The following ANKRD11 variants were observed in gnomAD, a reference collection of about 807,000 sequenced individuals.
The protein encoded by ANKRD11 is ankyrin repeat domain 11.
Under a neutral mutation model 195.7 loss-of-function variants are expected in ANKRD11, and 17 were observed. The observed-to-expected ratio is 0.09, with a 90% CI of 0.06 to 0.13. ANKRD11 has a LOEUF of 0.13. Among genes scored for constraint, ANKRD11 ranks in the 10% least tolerant of loss-of-function variants. The pLI is 1.00. For missense variants in ANKRD11, 3,735 were observed against 3,566.1 expected, an observed-to-expected ratio of 1.05 and a Z score of -1.21; for synonymous variants, 1,953 against 1,528.1, an observed-to-expected ratio of 1.28 and a Z score of -6.49.
At chr16:89,478,098 C>G (rs956496580) in intron 1 of ANKRD11, among the ~76,000 whole-genome samples, 1 of 152,042 alleles carries the variant, frequency 6.6e-6, no homozygotes, top group East Asian at 1.9e-4. Flanking sequence ...ATGAGAGGAG[C>G]GCTTAATAAA....
At chr16:89,356,603 C>T (rs147024018) in intron 2 of ANKRD11, among the ~76,000 whole-genome samples, 13 of 145,806 alleles carry the variant, frequency 8.9e-5, no homozygotes, top group South Asian at 2.1e-4. Flanking sequence ...AACCCCATCT[C>T]TACTAAAAAT....
At chr16:89,447,195 A>G (rs892058058) in intron 1 of ANKRD11, among the ~76,000 whole-genome samples, 1 of 152,024 alleles carries the variant, frequency 6.6e-6, no homozygotes, top group African/African-American at 2.4e-5. Flanking sequence ...TTTGCAACCC[A>G]TTAGTACCAA....
chr16:89,393,511 A>C (rs1044260768), intron 2 of ANKRD11, among the ~76,000 whole-genome samples: 2 of 88,644 alleles, frequency 2.3e-5, no homozygotes, highest in Non-Finnish European at 4.7e-5. Flanking sequence ...TTTTTTTTGT[A>C]TTTTTAATAA....
chr16:89,346,481 G>A lies in ANKRD11; in HGVS notation c.-59-29403C>T, dbSNP rs558070634. Among the ~76,000 whole-genome samples, 203 of 152,220 alleles carry A rather than the reference G, an allele frequency of 1.3e-3. 1 individual carries two copies. Among genetic ancestry groups the A allele is most frequent in the African/African-American group, 4.7e-3 (194 of 41,510 alleles). The stretch of plus-strand genomic sequence containing the variant: ...CGCAATCCATTTTTCAAGCTCCCAG[G>A]GAACAACAGTCATCCAAACTTGATC... On this transcript the variant is annotated intron_variant, in intron 2 of 12. Coordinates refer to ENST00000301030, the MANE Select transcript of ANKRD11 (RefSeq NM_013275.6).
intron 1 of ANKRD11, among the ~76,000 whole-genome samples, chr16:89,441,699 G>C (rs191009006): frequency 7.4e-6 from 1 of 135,980 alleles, no homozygotes; most frequent in Non-Finnish European, 1.5e-5. Context: ...CCCAGGAGGC[G>C]GACTATGCAG....
chr16:89,463,883 G>C (rs2056789361), intron 1 of ANKRD11, among the ~76,000 whole-genome samples: 1 of 152,160 alleles, frequency 6.6e-6, no homozygotes, highest in Admixed American at 6.6e-5. Context: ...TATGGTGGAA[G>C]TTCTTCCTGT....
rs899013747 is a variant in ANKRD11, at chr16:89,279,411, G to A, written c.7131C>T (p.Asp2377=). The A allele has an allele frequency of 2.2e-5, 34 of 1,536,156 alleles. No homozygotes were observed. The African/African-American group carries it at 4.4e-4, about 20-fold the overall frequency. Residue 2377 remains aspartate, a synonymous_variant, in exon 9 of 13, where the codon GAC becomes GAT. Transcript: ENST00000301030. The surrounding 1 kb of genome is among the most constrained non-coding windows in gnomAD (Gnocchi z 5.6). ...TGCGCGGATGCTGGGCCTGGGCGTC[G>A]TCGTCCTCGGAGCCGCGGGCCTTGG... The part of the protein sequence containing the change: ...TRAKARGSED[D]DAQAQHPRKR...
At chr16:89,382,915 ACTGCAACCTCTGC>A (rs2040724917) in intron 2 of ANKRD11, among the ~76,000 whole-genome samples, 1 of 152,154 alleles carries the variant, frequency 6.6e-6, no homozygotes, top group Non-Finnish European at 1.5e-5. Context: ...ATCTCGGCTC[ACTGCAACCTCTGC>A]CTCCCAGGTT....
Position 89,312,817 on chromosome 16 carries a change from G to A in ANKRD11, c.87+4116C>T, listed in dbSNP as rs147956888. The stretch of plus-strand genomic sequence containing the variant: ...ACCACAGCCTGAGGTGGGACACGCC[G>A]AGGCCCAGCCATGCGCCTCCCAGCT... On this transcript the variant is annotated intron_variant, in intron 3 of 12. Coordinates refer to ENST00000301030, the MANE Select transcript of ANKRD11 (RefSeq NM_013275.6). 5.8e-4 allele frequency among the ~76,000 whole-genome samples: 88 copies of A among 152,314 alleles called. 1 individual carries two copies. The highest frequency in any genetic ancestry group is 2.0e-3 in the African/African-American group (85 of 41,570).
intron 2 of ANKRD11, among the ~76,000 whole-genome samples, chr16:89,389,645 G>A (rs2041082755): frequency 1.3e-5 from 2 of 152,220 alleles, no homozygotes; most frequent in Non-Finnish European, 2.9e-5. Flanking sequence ...GAAGATCTGT[G>A]AACTCAGAGA....
At chr16:89,296,823 G>C (rs2035468929) in intron 4 of ANKRD11, among the ~76,000 whole-genome samples, 2 of 152,302 alleles carry the variant, frequency 1.3e-5, no homozygotes, top group Admixed American at 1.3e-4. Flanking sequence ...GGAGTGTGGG[G>C]CACTTCCAGC....
rs754679761 is a variant in ANKRD11 at position 89,290,629 on chromosome 16, G to A, written c.597C>T (p.Phe199=). 2.6e-5 allele frequency: 42 copies of A among 1,612,578 alleles called. No homozygotes were observed. Among genetic ancestry groups the A allele is most frequent in the African/African-American group, 1.7e-4 (13 of 75,050 alleles). Residue 199 remains phenylalanine, a synonymous_variant, in exon 6 of 13, where the codon TTC becomes TTT. Coordinates refer to ENST00000301030, the MANE Select transcript of ANKRD11 (RefSeq NM_013275.6). ...SEGADVNVKD[F]AGWTALHEAC... Reference sequence around the variant, plus strand: ...TGCCAGGCACAGGGTGCCCACCTGCGAAGTCCTTGACGTTGACGTCTGCCC... The same window carrying A: ...TGCCAGGCACAGGGTGCCCACCTGCAAAGTCCTTGACGTTGACGTCTGCCC...
chr16:89,460,848 T>C (rs1243874286), intron 1 of ANKRD11, among the ~76,000 whole-genome samples: 3 of 152,050 alleles, frequency 2.0e-5, no homozygotes, highest in Non-Finnish European at 4.4e-5. Context: ...AGGAACAAAC[T>C]GATCCAAAAG....
intron 1 of ANKRD11, among the ~76,000 whole-genome samples, chr16:89,452,191 G>A (rs1330589372): frequency 2.0e-5 from 3 of 152,084 alleles, no homozygotes; most frequent in African/African-American, 7.2e-5. Context: ...CTGGGAGGTG[G>A]AGGTTGCAGT....
At chr16:89,448,658 T>C (rs2043917728) in intron 1 of ANKRD11, among the ~76,000 whole-genome samples, 1 of 152,210 alleles carries the variant, frequency 6.6e-6, no homozygotes, top group Non-Finnish European at 1.5e-5. Context: ...AGGCATTTAA[T>C]TGCACAAATT....
chr16:89,338,130 T>A (rs2038469956), intron 2 of ANKRD11, among the ~76,000 whole-genome samples: 1 of 152,104 alleles, frequency 6.6e-6, no homozygotes, highest in Non-Finnish European at 1.5e-5. Flanking sequence ...CCCGTCAGGC[T>A]CCCAGGACAC....
chr16:89,280,471 G>C lies in ANKRD11; in HGVS notation c.6071C>G (p.Pro2024Arg), dbSNP rs760859183. ...CGGCTCAGCGACGGGCAGAGCGTAC[G>C]GGGCAGGAGAGGCGGGAGGGGCGGG... is the stretch of plus-strand genomic sequence containing the variant. ...PYPAPPASPA[P>R]YALPVAEPGL... The change falls in exon 9 of 13, where the codon CCG (proline) becomes CGG (arginine). Residue 2024 changes from proline (P) to arginine (R), a missense_variant. Coordinates refer to ENST00000301030, the MANE Select transcript of ANKRD11 (RefSeq NM_013275.6). 2.5e-6 allele frequency: 4 copies of C among 1,603,114 alleles called. No homozygotes were observed. The highest frequency in any genetic ancestry group is 2.7e-5 in the African/African-American group (2 of 74,618).
chr16:89,277,151 C>A (rs937166348), intron 9 of ANKRD11, among the ~76,000 whole-genome samples: 2 of 152,200 alleles, frequency 1.3e-5, no homozygotes, highest in East Asian at 3.8e-4. Flanking sequence ...CCTCGACGAG[C>A]CCAGCCCCCC....
chr16:89,344,104 C>T (rs891548591), intron 2 of ANKRD11, among the ~76,000 whole-genome samples: 1 of 152,192 alleles, frequency 6.6e-6, no homozygotes, highest in African/African-American at 2.4e-5. Flanking sequence ...GCCTCAATCT[C>T]CTCATCTATA....
Sources: gnomAD v4.1 joint callset for allele counts (sites outside exome capture counted in the v4.1 genomes callset) on GRCh38, gnomAD v4.1.1 for gene constraint, Gnocchi (gnomAD v3.1) non-coding constraint, MANE v1.5 for transcripts, NCBI Gene and HGNC (gene_info 2026-07-23, HGNC 2026-07-21) for gene names.